DNAJC1: variants seen among roughly 807,000 people sequenced by gnomAD.
DNAJC1 encodes DnaJ heat shock protein family (Hsp40) member C1.
In DNAJC1, 58 loss-of-function variants were observed where a neutral mutation model predicts 76.6. The ratio of observed to expected loss-of-function variants is 0.76; its 90% CI spans 0.61 to 0.94. The LOEUF is 0.94. Ranked by LOEUF, DNAJC1 falls within the 40% of genes least tolerant of loss-of-function variation. The pLI is 0.00. For missense variants in DNAJC1, 689 were observed against 677.3 expected, an observed-to-expected ratio of 1.02 and a Z score of -0.19; for synonymous variants, 258 against 267.9, an observed-to-expected ratio of 0.96 and a Z score of 0.36.
At chr10:21,764,925 C>T (rs866601904) in intron 10 of DNAJC1, among the ~76,000 whole-genome samples, 8 of 152,178 alleles carry the variant, frequency 5.3e-5, no homozygotes, top group Admixed American at 1.3e-4. Flanking sequence ...CTCTCAGCCA[C>T]AGGTGTTGCC....
chr10:21,921,728 A>G (rs1014529506), intron 3 of DNAJC1, among the ~76,000 whole-genome samples: 1 of 152,096 alleles, frequency 6.6e-6, no homozygotes, highest in Non-Finnish European at 1.5e-5. Context: ...AAGCTGATGC[A>G]TTTTAAATCA....
intron 1 of DNAJC1, among the ~76,000 whole-genome samples, chr10:21,936,022 C>A (rs1837306224): frequency 6.6e-6 from 1 of 152,110 alleles, no homozygotes; most frequent in African/African-American, 2.4e-5. Flanking sequence ...ATAAAAAACA[C>A]TGGTAAAGAT....
chr10:21,969,649 A>G (rs888801114), intron 1 of DNAJC1, among the ~76,000 whole-genome samples: 1 of 152,228 alleles, frequency 6.6e-6, no homozygotes, highest in Non-Finnish European at 1.5e-5. Context: ...GGGTTATTTT[A>G]ACAAATATAA....
intron 9 of DNAJC1, among the ~76,000 whole-genome samples, chr10:21,795,309 T>G (rs997982068): frequency 6.6e-6 from 1 of 152,154 alleles, no homozygotes; most frequent in African/African-American, 2.4e-5. Context: ...TTGAGCAATA[T>G]GAAGAAATGA....
chr10:21,935,408 T>G (rs1359235485), intron 1 of DNAJC1, among the ~76,000 whole-genome samples: 1 of 151,972 alleles, frequency 6.6e-6, no homozygotes, highest in African/African-American at 2.4e-5. Flanking sequence ...AATGAACACT[T>G]AGATCAATAG....
chr10:21,795,753 C>T (rs1403054018), intron 9 of DNAJC1, among the ~76,000 whole-genome samples: 1 of 152,118 alleles, frequency 6.6e-6, no homozygotes. Context: ...ATCCATATTA[C>T]CAAAACTTTA....
intron 1 of DNAJC1, among the ~76,000 whole-genome samples, chr10:21,945,053 T>C (rs902559796): frequency 1.3e-5 from 2 of 152,206 alleles, no homozygotes; most frequent in Admixed American, 6.5e-5. Context: ...GTATTAGACA[T>C]ATATAAATGT....
chr10:21,949,860 T>C (rs759100012), intron 1 of DNAJC1, among the ~76,000 whole-genome samples: 16 of 152,090 alleles, frequency 1.1e-4, no homozygotes, highest in African/African-American at 3.6e-4. Flanking sequence ...TGCGTATTTA[T>C]TGGCGTGTCA....
chr10:21,807,502 T>C (rs147154579), intron 8 of DNAJC1, among the ~76,000 whole-genome samples: 149 of 152,326 alleles, frequency 9.8e-4, no homozygotes, highest in Admixed American at 2.0e-3. Flanking sequence ...TCAAAGTGCA[T>C]TGCCCCTGTT....
In DNAJC1 at chr10:21,985,539, G is replaced by A. The variant is rs573039112; in HGVS notation, c.222+17674C>T. ...GCTGGGATTACAGGCGTGTGCCACCGTGCCCAGCCACCTGCTTTCCATCTC... is the reference window on the plus strand; with the variant it reads ...GCTGGGATTACAGGCGTGTGCCACCATGCCCAGCCACCTGCTTTCCATCTC... On this transcript the variant is annotated intron_variant, in intron 1 of 11. Coordinates refer to ENST00000376980, the MANE Select transcript of DNAJC1 (RefSeq NM_022365.4). Among the ~76,000 whole-genome samples the A allele has an allele frequency of 1.0e-3, 154 of 152,174 alleles. No individual in the cohort carries two copies. The South Asian group carries it at 0.016, about 16-fold the overall frequency.
intron 6 of DNAJC1, among the ~76,000 whole-genome samples, chr10:21,912,587 G>GT (rs1836881665): frequency 6.6e-6 from 1 of 151,984 alleles, no homozygotes; most frequent in Non-Finnish European, 1.5e-5. Context: ...ATTTTCATTT[G>GT]TTTATGTATT....
intron 7 of DNAJC1, among the ~76,000 whole-genome samples, chr10:21,894,736 G>A (rs910442271): frequency 2.6e-5 from 4 of 152,182 alleles, no homozygotes; most frequent in Non-Finnish European, 5.9e-5. Context: ...TCTGCACAGA[G>A]GTGGAGCCTT....
At chr10:21,993,470 T>G (rs372240113) in intron 1 of DNAJC1, among the ~76,000 whole-genome samples, 1 of 152,242 alleles carries the variant, frequency 6.6e-6, no homozygotes. Flanking sequence ...TGCAAAATAC[T>G]GCAAGAACTC....
chr10:21,881,964 C>G (rs968863895), intron 8 of DNAJC1, among the ~76,000 whole-genome samples: 1 of 151,536 alleles, frequency 6.6e-6, no homozygotes, highest in African/African-American at 2.4e-5. Context: ...ACCATCCTGG[C>G]TAACACGGTG....
chr10:21,794,881 C>G (rs1220986448), intron 9 of DNAJC1, among the ~76,000 whole-genome samples: 2 of 152,064 alleles, frequency 1.3e-5, no homozygotes, highest in African/African-American at 2.4e-5. Flanking sequence ...ATGCTTGTGA[C>G]CAAAAGTGTT....
chr10:21,776,003 A>G (rs1485111775), intron 9 of DNAJC1, among the ~76,000 whole-genome samples: 1 of 152,142 alleles, frequency 6.6e-6, no homozygotes. Flanking sequence ...CTAATGCCCA[A>G]ATTTATCTTT....
rs1445179000 is a variant in DNAJC1 at position 21,837,620 on chromosome 10, A to T, written c.979-31521T>A. Among the ~76,000 whole-genome samples, 4 of 149,050 alleles carry T rather than the reference A, an allele frequency of 2.7e-5. 1 individual carries two copies. Among genetic ancestry groups the T allele is most frequent in the African/African-American group, 2.5e-5 (1 of 40,078 alleles). On this transcript the variant is annotated intron_variant, in intron 8 of 11. Transcript: ENST00000376980. The stretch of plus-strand genomic sequence containing the variant: ...CGGCCGCCCCATCTGAGAAGTGAGG[A>T]GCCCCTCCGCCCGGCAGCCACCCTG...
intron 1 of DNAJC1, among the ~76,000 whole-genome samples, chr10:22,001,610 T>C (rs976619674): frequency 2.0e-5 from 3 of 152,244 alleles, no homozygotes; most frequent in African/African-American, 4.8e-5. Context: ...TCAAGTTACA[T>C]GAAATTATAA....
chr10:21,929,200 C>A, intron 1 of DNAJC1, 59 bp from the exon 2 acceptor site: 1 of 1,220,914 alleles, frequency 8.2e-7, no homozygotes, highest in Non-Finnish European at 1.2e-6. Context: ...AAAGAAATTC[C>A]CAGAACCTTG....
Sources: allele counts gnomAD v4.1 joint callset (sites outside exome capture counted in the v4.1 genomes callset), GRCh38; gene constraint gnomAD v4.1.1; transcripts MANE v1.5; gene names NCBI Gene and HGNC (gene_info 2026-07-23, HGNC 2026-07-21).